Variants in SMAD9 observed in about 807,000 individuals in gnomAD.
SMAD9 encodes the protein MAD homolog 9.
Under a neutral mutation model 46.1 loss-of-function variants are expected in SMAD9, and 36 were observed. The observed-to-expected ratio is 0.78, with a 90% CI of 0.60 to 1.03. The LOEUF is 1.03. Ranked by LOEUF, SMAD9 falls within the 50% of genes least tolerant of loss-of-function variation. The probability of loss-of-function intolerance (pLI) is 0.00; values close to 1 mark genes in which losing one functional copy is unlikely to be tolerated. For missense variants in SMAD9, 572 were observed against 599.8 expected, an observed-to-expected ratio of 0.95 and a Z score of 0.48; for synonymous variants, 245 against 237.1, an observed-to-expected ratio of 1.03 and a Z score of -0.31.
Position 36,879,998 on chromosome 13 carries a change from A to G in SMAD9, c.-186-123T>C, listed in dbSNP as rs373782563. The G allele has an allele frequency of 7.3e-4, 297 of 408,068 alleles. 4 individuals carry two copies. The South Asian group carries it at 7.9e-3, about 11-fold the overall frequency. 25.3% of individuals were successfully genotyped at this position (408,068 alleles called of 1,614,324 possible). Reference sequence around the variant, plus strand: ...GCTACTCAAGTGGGTGAATGGCTCGAGCCCAGGAGGTCAAGGCTGCGCCAC... The same window carrying G: ...GCTACTCAAGTGGGTGAATGGCTCGGGCCCAGGAGGTCAAGGCTGCGCCAC... On this transcript the variant is annotated intron_variant, in intron 1 of 6. Transcript: ENST00000379826.
At chr13:36,918,027 T>C (rs1187295421) in intron 1 of SMAD9, among the ~76,000 whole-genome samples, 3 of 152,226 alleles carry the variant, frequency 2.0e-5, no homozygotes, top group African/African-American at 4.8e-5. Flanking sequence ...CTTATGGATA[T>C]CTTTAGTAAT....
At chr13:36,865,487 C>A in intron 5 of SMAD9, 50 bp downstream of exon 5, 1 of 1,466,452 alleles carries the variant, frequency 6.8e-7, no homozygotes, top group Non-Finnish European at 9.5e-7. Flanking sequence ...ACACACATGA[C>A]CATCTACATT....
At chr13:36,852,069 T>C in intron 6 of SMAD9, 2 of 970,392 alleles carry the variant, frequency 2.1e-6, no homozygotes, top group Non-Finnish European at 2.5e-6. Context: ...TATAACTTTA[T>C]AATATATGCT....
At position 36,920,187 on chromosome 13, in the gene SMAD9, A is replaced by AGCGGCGGCGGCGGCGGCGGCG. The variant is rs770040180; in HGVS notation, c.-279_-259dup. Reference sequence around the variant, plus strand: ...CGGGGACCGAGACAGCGGCTGCAGCAGCGGCGGCGGCGGCGGCGGCGGCGG... The same window carrying AGCGGCGGCGGCGGCGGCGGCG: ...CGGGGACCGAGACAGCGGCTGCAGCAGCGGCGGCGGCGGCGGCGGCGGCGGCGGCGGCGGCGGCGGCGGCGG... On this transcript the variant is annotated 5_prime_UTR_variant, in exon 1 of 7. Transcript: ENST00000379826. 6.9e-6 allele frequency: 1 copy of AGCGGCGGCGGCGGCGGCGGCG among 143,946 alleles called. No individual in the cohort carries two copies. Among genetic ancestry groups the AGCGGCGGCGGCGGCGGCGGCG allele is most frequent in the African/African-American group, 3.0e-5 (1 of 33,610 alleles). 8.9% of individuals were successfully genotyped at this position (143,946 alleles called of 1,614,324 possible).
chr13:36,918,724 C>T (rs758980047), intron 1 of SMAD9, among the ~76,000 whole-genome samples: 2 of 152,146 alleles, frequency 1.3e-5, no homozygotes, highest in Non-Finnish European at 2.9e-5. Context: ...ATGTCTTTGG[C>T]TTTTATTTTA....
At chr13:36,909,856 T>C (rs1054476064) in intron 1 of SMAD9, among the ~76,000 whole-genome samples, 1 of 152,294 alleles carries the variant, frequency 6.6e-6, no homozygotes, top group Admixed American at 6.5e-5. Context: ...TACTTCTGTT[T>C]ATTCCTCCTG....
At chr13:36,857,222 A>T (rs2058135517) in intron 5 of SMAD9, among the ~76,000 whole-genome samples, 1 of 152,096 alleles carries the variant, frequency 6.6e-6, no homozygotes, top group South Asian at 2.1e-4. Context: ...TGTTAGTTGC[A>T]ATCAAATATG....
chr13:36,917,812 G>A (rs931603317), intron 1 of SMAD9, among the ~76,000 whole-genome samples: 1 of 152,090 alleles, frequency 6.6e-6, no homozygotes, highest in Non-Finnish European at 1.5e-5. Flanking sequence ...TTAATCCTAC[G>A]GTGCTCACTT....
At chr13:36,881,297 G>A (rs922233082) in intron 1 of SMAD9, among the ~76,000 whole-genome samples, 5 of 152,158 alleles carry the variant, frequency 3.3e-5, no homozygotes, top group African/African-American at 1.2e-4. Context: ...TAACATTTTG[G>A]AGTAAGCTGA....
chr13:36,896,710 C>G (rs74045056), intron 1 of SMAD9, among the ~76,000 whole-genome samples: 4,014 of 152,162 alleles, frequency 0.026, 175 homozygotes, highest in African/African-American at 0.091. Context: ...AAAGGCGGCT[C>G]AAATAACCAC....
intron 1 of SMAD9, among the ~76,000 whole-genome samples, chr13:36,915,229 T>C (rs745500924): frequency 6.6e-6 from 1 of 152,178 alleles, no homozygotes; most frequent in Non-Finnish European, 1.5e-5. Context: ...CACGTTTGAA[T>C]GGCCGCAAGA....
At chr13:36,892,612 G>C (rs191391280) in intron 1 of SMAD9, among the ~76,000 whole-genome samples, 2 of 152,272 alleles carry the variant, frequency 1.3e-5, no homozygotes, top group East Asian at 1.9e-4. Context: ...CCAGTCTTCT[G>C]AGAGTGAAAT....
At chr13:36,891,498 T>C (rs2058488825) in intron 1 of SMAD9, among the ~76,000 whole-genome samples, 3 of 152,184 alleles carry the variant, frequency 2.0e-5, no homozygotes, top group Non-Finnish European at 4.4e-5. Flanking sequence ...AAGGGGGAGA[T>C]GTGTTGCTTT....
rs538824027 is a variant in SMAD9, at chr13:36,891,371, G to A, written c.-186-11496C>T. ...AGATTCAAAATCTCCATTGCCTAAGGAATAAGAACTCTAAGTCATGATGCC... is the reference window on the plus strand; with the variant it reads ...AGATTCAAAATCTCCATTGCCTAAGAAATAAGAACTCTAAGTCATGATGCC... On this transcript the variant is annotated intron_variant, in intron 1 of 6. Coordinates refer to ENST00000379826, the MANE Select transcript of SMAD9 (RefSeq NM_001127217.3). Among the ~76,000 whole-genome samples the A allele has an allele frequency of 3.9e-4, 59 of 152,246 alleles. 1 individual carries two copies. In the South Asian group the frequency reaches 8.5e-3, roughly 22 times the overall value.
At chr13:36,864,308 A>C (rs1007699974) in intron 5 of SMAD9, among the ~76,000 whole-genome samples, 2 of 152,154 alleles carry the variant, frequency 1.3e-5, no homozygotes, top group East Asian at 3.9e-4. Flanking sequence ...CATCTTCTCC[A>C]GCTCTCTGTG....
intron 1 of SMAD9, among the ~76,000 whole-genome samples, chr13:36,885,004 T>C (rs2058433246): frequency 6.6e-6 from 1 of 152,188 alleles, no homozygotes; most frequent in South Asian, 2.1e-4. Context: ...TCCTTATTTG[T>C]TTTTGTCTTT....
At chr13:36,892,820 G>C (rs1306265141) in intron 1 of SMAD9, among the ~76,000 whole-genome samples, 2 of 152,142 alleles carry the variant, frequency 1.3e-5, no homozygotes, top group Non-Finnish European at 2.9e-5. Context: ...GAGAAAATGT[G>C]AAGACATTCT....
rs780311704 is a variant in SMAD9, at chr13:36,879,324, T to G, written c.366A>C (p.Lys122Asn). The change falls in exon 2 of 7, where the codon AAA (lysine) becomes AAC (asparagine). Residue 122 changes from lysine (K) to asparagine (N), a missense_variant. Transcript: ENST00000379826. The part of the protein sequence containing the change: ...CCEFPFGSKQ[K>N]EVCINPYHYR... ...AGTGGTAAGGGTTAATGCACACTTC[T>G]TTCTGCTTGGAGCCAAATGGGAACT... 1 of 1,614,154 alleles carries G rather than the reference T, an allele frequency of 6.2e-7. No homozygotes were observed. The highest frequency in any genetic ancestry group is 8.5e-7 in the Non-Finnish European group (1 of 1,180,030).
At chr13:36,887,390 T>A (rs2058455792) in intron 1 of SMAD9, among the ~76,000 whole-genome samples, 1 of 151,508 alleles carries the variant, frequency 6.6e-6, no homozygotes, top group Non-Finnish European at 1.5e-5. Flanking sequence ...ACCCAGATAA[T>A]TTTTGTATTT....
Sources: allele counts gnomAD v4.1 joint callset (sites outside exome capture counted in the v4.1 genomes callset), GRCh38; gene constraint gnomAD v4.1.1; transcripts MANE v1.5; gene names NCBI Gene and HGNC (gene_info 2026-07-23, HGNC 2026-07-21).